The following TMEM182 variants were observed in gnomAD, a reference collection of about 807,000 sequenced individuals.
TMEM182 encodes transmembrane protein 182.
TMEM182 carries 20 observed loss-of-function variants against 26.8 expected under a neutral mutation model. The observed-to-expected ratio is 0.75, with a 90% CI of 0.53 to 1.09. The LOEUF is 1.09. Ranked by LOEUF, TMEM182 falls within the 50% of genes least tolerant of loss-of-function variation. The pLI is 0.00. For missense variants in TMEM182, 277 were observed against 275.5 expected (o/e 1.01, Z -0.04); for synonymous variants, 109 against 102.2 (o/e 1.07, Z -0.40).
Position 102,816,437 on chromosome 2 carries a change from G to A in TMEM182, c.*1469G>A, listed in dbSNP as rs796431175. The A allele has an allele frequency of 2.0e-6, 2 of 984,982 alleles. No homozygotes were observed. Among genetic ancestry groups the A allele is most frequent in the Admixed American group, 6.2e-5 (1 of 16,230 alleles). 61.0% of individuals were successfully genotyped at this position (984,982 alleles called of 1,614,324 possible). A position where few individuals can be genotyped will look rare whatever the true frequency, so the allele number is the denominator to read the frequency against. ...ATCTTGTGCTTTTCCATTAAGACTT[G>A]TTCCAGTGGGAAGGAGCTTTGGAAA... On this transcript the variant is annotated 3_prime_UTR_variant, in exon 5 of 5. Transcript: ENST00000412401.
At chr2:102,821,784 C>T (rs947743178), downstream of TMEM182, among the ~76,000 whole-genome samples, 2 of 151,866 alleles carry the variant, frequency 1.3e-5, no homozygotes, top group Admixed American at 6.6e-5. Context: ...GTCAGGAGAT[C>T]GAGACCACCC....
intron 3 of TMEM182, among the ~76,000 whole-genome samples, chr2:102,766,722 C>T (rs534190412): frequency 6.2e-4 from 94 of 152,260 alleles, no homozygotes; most frequent in African/African-American, 2.1e-3. Flanking sequence ...TGTAGCTTCA[C>T]AATTACCCAA....
intron 3 of TMEM182, among the ~76,000 whole-genome samples, chr2:102,836,282 A>C (rs919675841): frequency 5.3e-5 from 8 of 152,178 alleles, no homozygotes; most frequent in South Asian, 2.1e-4. Context: ...TATGATAAGA[A>C]TATGTTTAGG....
rs1682693285 is a variant in TMEM182 at position 102,814,985 on chromosome 2, A to G, written c.*17A>G. The G allele has an allele frequency of 5.6e-6, 9 of 1,611,742 alleles. No homozygotes were observed. Among genetic ancestry groups the G allele is most frequent in the Non-Finnish European group, 7.6e-6 (9 of 1,179,028 alleles). ...CATCACTAAATCAACTGTTGCCACA[A>G]GTATTTTCTTGAGAGATTTTAAAAC... On this transcript the variant is annotated 3_prime_UTR_variant, in exon 5 of 5. Coordinates refer to ENST00000412401, the MANE Select transcript of TMEM182 (RefSeq NM_144632.5).
At chr2:102,775,045 A>G (rs1441181918) in intron 3 of TMEM182, 1 of 152,224 alleles carries the variant, frequency 6.6e-6, no homozygotes. Flanking sequence ...TATGAGTTAT[A>G]TTAAACCCAC....
At chr2:102,827,227 G>A (rs932794842) in intron 3 of TMEM182, among the ~76,000 whole-genome samples, 2 of 152,222 alleles carry the variant, frequency 1.3e-5, no homozygotes, top group African/African-American at 4.8e-5. Flanking sequence ...AAATCAATGT[G>A]AAGCCATGAT....
chr2:102,738,783 G>A (rs1679458688), intron 1 of TMEM182, among the ~76,000 whole-genome samples: 1 of 152,140 alleles, frequency 6.6e-6, no homozygotes, highest in South Asian at 2.1e-4. Context: ...TGTGCAGCTG[G>A]AGGCAGCTCT....
At chr2:102,824,559 T>C (rs543854368) in intron 3 of TMEM182, among the ~76,000 whole-genome samples, 1 of 152,272 alleles carries the variant, frequency 6.6e-6, no homozygotes, top group Admixed American at 6.5e-5. Flanking sequence ...GCGTGGTGGC[T>C]CATGCCTGTA....
chr2:102,773,926 T>C (rs1225759004), intron 3 of TMEM182, among the ~76,000 whole-genome samples: 4 of 152,130 alleles, frequency 2.6e-5, no homozygotes, highest in African/African-American at 9.7e-5. Context: ...ACCAAAAAAC[T>C]GTGTATATAT....
intron 1 of TMEM182, among the ~76,000 whole-genome samples, chr2:102,749,555 A>G (rs1206896298): frequency 1.3e-5 from 2 of 152,216 alleles, no homozygotes; most frequent in South Asian, 2.1e-4. Flanking sequence ...ATTGACTTCT[A>G]TACTTTGATC....
chr2:102,826,314 T>C (rs980121657), intron 3 of TMEM182, among the ~76,000 whole-genome samples: 1 of 151,582 alleles, frequency 6.6e-6, no homozygotes, highest in African/African-American at 2.4e-5. Flanking sequence ...TTTTTTTTTT[T>C]TTTTTTTAAC....
chr2:102,768,642 G>T (rs751335709), intron 3 of TMEM182, among the ~76,000 whole-genome samples: 1 of 151,798 alleles, frequency 6.6e-6, no homozygotes, highest in African/African-American at 2.4e-5. Flanking sequence ...CGGAGGTTGC[G>T]ATGAGCTGAG....
intron 3 of TMEM182, among the ~76,000 whole-genome samples, chr2:102,768,400 T>G (rs1257697111): frequency 6.6e-6 from 1 of 152,036 alleles, no homozygotes; most frequent in Non-Finnish European, 1.5e-5. Flanking sequence ...TTTAAAAAAT[T>G]TGTTTGGCCA....
chr2:102,744,508 A>T (rs1180893630), intron 1 of TMEM182, among the ~76,000 whole-genome samples: 1 of 152,172 alleles, frequency 6.6e-6, no homozygotes, highest in African/African-American at 2.4e-5. Flanking sequence ...GAACAATTTT[A>T]ATTACTTTGC....
At chr2:102,760,237 T>C (rs1680165858), upstream of TMEM182, among the ~76,000 whole-genome samples, 1 of 152,118 alleles carries the variant, frequency 6.6e-6, no homozygotes, top group African/African-American at 2.4e-5. Flanking sequence ...AGCTTAGACC[T>C]CTATATAGGG....
intron 3 of TMEM182, among the ~76,000 whole-genome samples, chr2:102,780,073 G>A (rs1165844828): frequency 6.8e-6 from 1 of 147,442 alleles, no homozygotes; most frequent in African/African-American, 2.5e-5. Flanking sequence ...TTTGTATCAT[G>A]GCTATTTCCA....
At chr2:102,784,860 G>T (rs1338842043) in intron 3 of TMEM182, among the ~76,000 whole-genome samples, 2 of 152,132 alleles carry the variant, frequency 1.3e-5, no homozygotes, top group Admixed American at 1.3e-4. Flanking sequence ...CTTGGTTTTG[G>T]TGGGTTTTTG....
intron 4 of TMEM182, among the ~76,000 whole-genome samples, chr2:102,813,095 C>T (rs12472487): frequency 0.039 from 5,998 of 152,196 alleles, 173 homozygotes; most frequent in Non-Finnish European, 0.061. Context: ...TTACAGACCA[C>T]GGTGTGAAGG....
In TMEM182 at chr2:102,792,878, C is replaced by T. The variant is rs1319884814; in HGVS notation, c.332-4985C>T. The stretch of plus-strand genomic sequence containing the variant: ...GATCAAATGAAAGGGCAGGGACTCG[C>T]AGTGGTCAGGAATGACAGCATTCTG... On this transcript the variant is annotated intron_variant, in intron 3 of 4. Transcript: ENST00000412401. Among the ~76,000 whole-genome samples the T allele has an allele frequency of 3.3e-5, 5 of 152,196 alleles. No individual in the cohort carries two copies. In the South Asian group the frequency reaches 8.3e-4, roughly 25 times the overall value.
Sources: allele counts gnomAD v4.1 joint callset (sites outside exome capture counted in the v4.1 genomes callset), GRCh38; gene constraint gnomAD v4.1.1; transcripts MANE v1.5; gene names NCBI Gene and HGNC (gene_info 2026-07-23, HGNC 2026-07-21).